THEMIS: variants seen among roughly 807,000 people sequenced by gnomAD.
THEMIS encodes the protein protein THEMIS.
A neutral mutation model predicts 52.6 loss-of-function variants in THEMIS; 37 were observed. The ratio of observed to expected loss-of-function variants is 0.70; its 90% CI spans 0.54 to 0.93. THEMIS has a LOEUF of 0.93. Ranked by LOEUF, THEMIS falls within the 40% of genes least tolerant of loss-of-function variation. The probability of loss-of-function intolerance (pLI) is 0.00; values close to 1 mark genes in which losing one functional copy is unlikely to be tolerated. For missense variants in THEMIS, 808 were observed against 763.1 expected (o/e 1.06, Z -0.69); for synonymous variants, 292 against 272.7 (o/e 1.07, Z -0.70).
intron 4 of THEMIS, among the ~76,000 whole-genome samples, chr6:127,788,124 G>T (rs1457307871): frequency 6.6e-6 from 1 of 152,152 alleles, no homozygotes; most frequent in Non-Finnish European, 1.5e-5. Context: ...CCTCAGGTGA[G>T]GGAGAGTCTT....
chr6:127,833,031 G>A (rs1178998466), intron 2 of THEMIS, among the ~76,000 whole-genome samples: 3 of 151,624 alleles, frequency 2.0e-5, no homozygotes, highest in Non-Finnish European at 2.9e-5. Flanking sequence ...TGATCTGCCC[G>A]CCTCAGCCTC....
At chr6:127,731,628 T>G (rs1774799683) in intron 4 of THEMIS, among the ~76,000 whole-genome samples, 1 of 150,662 alleles carries the variant, frequency 6.6e-6, no homozygotes, top group African/African-American at 2.4e-5. Flanking sequence ...ATTGTTCATG[T>G]GATTTTCACC....
intron 4 of THEMIS, among the ~76,000 whole-genome samples, chr6:127,738,551 GACT>G (rs1775086523): frequency 6.6e-6 from 1 of 152,098 alleles, no homozygotes; most frequent in African/African-American, 2.4e-5. Context: ...GTAAATTCCA[GACT>G]ACTACCTACG....
chr6:127,760,720 T>C (rs1237579498), intron 4 of THEMIS, among the ~76,000 whole-genome samples: 1 of 151,984 alleles, frequency 6.6e-6, no homozygotes, highest in East Asian at 1.9e-4. Context: ...AAGGTTGCAG[T>C]GAACTATGAT....
intron 4 of THEMIS, among the ~76,000 whole-genome samples, chr6:127,747,551 T>C (rs1311459687): frequency 6.6e-6 from 1 of 151,280 alleles, no homozygotes; most frequent in African/African-American, 2.4e-5. Context: ...TGAAAGAAGA[T>C]TCATCAAAAT....
Position 127,813,428 on chromosome 6 carries a change from T to G in THEMIS, c.1213A>C (p.Lys405Gln). ...ETTEVLCEGIKKVVNVLACEK... is the reference protein window; with the variant it reads ...ETTEVLCEGIQKVVNVLACEK... ...CAGGCCAGAACATTCACCACTTTTTTTATTCCCTCACAGAGGACTTCAGTC... is the reference window on the plus strand; with the variant it reads ...CAGGCCAGAACATTCACCACTTTTTGTATTCCCTCACAGAGGACTTCAGTC... Residue 405 changes from lysine (K) to glutamine (Q), a missense_variant, in exon 4 of 6, where the codon AAA (lysine) becomes CAA (glutamine). Transcript: ENST00000368248. 2 of 1,614,032 alleles carry G rather than the reference T, an allele frequency of 1.2e-6. No individual in the cohort carries two copies. The highest frequency in any genetic ancestry group is 1.7e-6 in the Non-Finnish European group (2 of 1,179,994).
At chr6:127,875,530 C>A (rs750714274) in intron 1 of THEMIS, among the ~76,000 whole-genome samples, 4 of 152,150 alleles carry the variant, frequency 2.6e-5, no homozygotes, top group Non-Finnish European at 4.4e-5. Flanking sequence ...TGGAACTATC[C>A]AGTAAAACTT....
chr6:127,836,682 A>T (rs1314439186), intron 2 of THEMIS, among the ~76,000 whole-genome samples: 1 of 152,122 alleles, frequency 6.6e-6, no homozygotes, highest in Non-Finnish European at 1.5e-5. Flanking sequence ...TTTCTCTCTA[A>T]ACACATTCTT....
chr6:127,730,296 GAA>G (rs1420876304), intron 4 of THEMIS, among the ~76,000 whole-genome samples: 11 of 124,522 alleles, frequency 8.8e-5, no homozygotes, highest in South Asian at 2.5e-4. Flanking sequence ...GAAAAGAAAA[GAA>G]AAGAAAAGAA....
intron 5 of THEMIS, among the ~76,000 whole-genome samples, chr6:127,715,980 G>T (rs1774145276): frequency 6.6e-6 from 1 of 151,812 alleles, no homozygotes; most frequent in Admixed American, 6.6e-5. Context: ...AACTTGGAGT[G>T]CCTTGGGTTT....
intron 4 of THEMIS, among the ~76,000 whole-genome samples, chr6:127,784,114 T>C (rs1776841226): frequency 6.6e-6 from 1 of 152,148 alleles, no homozygotes; most frequent in South Asian, 2.1e-4. Context: ...GAAACCATCA[T>C]TCTCAGCAAA....
At chr6:127,846,219 C>A (rs1253488956) in intron 2 of THEMIS, among the ~76,000 whole-genome samples, 1 of 151,956 alleles carries the variant, frequency 6.6e-6, no homozygotes, top group Non-Finnish European at 1.5e-5. Context: ...AAACAACTAC[C>A]AATAACAGCA....
At chr6:127,858,950 A>G (rs1779708038) in intron 1 of THEMIS, among the ~76,000 whole-genome samples, 1 of 152,144 alleles carries the variant, frequency 6.6e-6, no homozygotes, top group Non-Finnish European at 1.5e-5. Context: ...ACTTTGCTCA[A>G]TAAAAACGAC....
chr6:127,898,306 C>CAT (rs3057977), intron 1 of THEMIS, among the ~76,000 whole-genome samples: 113,028 of 151,322 alleles, frequency 0.75, 42,889 homozygotes, highest in East Asian at 0.97. Flanking sequence ...CATAGAGGGA[C>CAT]ACTACATTCT....
At chr6:127,759,860 T>A (rs113674677) in intron 4 of THEMIS, among the ~76,000 whole-genome samples, 1 of 95,152 alleles carries the variant, frequency 1.1e-5, no homozygotes, top group Admixed American at 1.3e-4. Context: ...CCCTCCCTCC[T>A]TCCTTCCTTC....
At chr6:127,698,354 T>G in the THEMIS span, among the ~76,000 whole-genome samples, 1 of 152,140 alleles carries the variant, frequency 6.6e-6, no homozygotes, top group Non-Finnish European at 1.5e-5. Context: ...TGAACTACAT[T>G]ATGGACAAGA....
chr6:127,805,470 A>G (rs1299115121), intron 4 of THEMIS, among the ~76,000 whole-genome samples: 1 of 152,026 alleles, frequency 6.6e-6, no homozygotes, highest in Non-Finnish European at 1.5e-5. Context: ...TAAAGTATTT[A>G]TGGGCCCTCC....
chr6:127,758,789 A>G (rs1235498974), intron 4 of THEMIS, among the ~76,000 whole-genome samples: 1 of 152,150 alleles, frequency 6.6e-6, no homozygotes, highest in African/African-American at 2.4e-5. Context: ...AGAAAGAATT[A>G]TTGGATCATT....
At chr6:127,827,970 C>T (rs1778565166) in intron 3 of THEMIS, among the ~76,000 whole-genome samples, 1 of 152,044 alleles carries the variant, frequency 6.6e-6, no homozygotes, top group African/African-American at 2.4e-5. Context: ...CCGTTTTTTT[C>T]TCACACCAAC....
Sources: allele counts gnomAD v4.1 joint callset (sites outside exome capture counted in the v4.1 genomes callset), GRCh38; gene constraint gnomAD v4.1.1; transcripts MANE v1.5; gene names NCBI Gene and HGNC (gene_info 2026-07-23, HGNC 2026-07-21).